The following ORC6 variants were observed in gnomAD, a reference collection of about 807,000 sequenced individuals.
The protein encoded by ORC6 is origin recognition complex, subunit 6 homolog-like (yeast).
A neutral mutation model predicts 30.0 loss-of-function variants in ORC6; 31 were observed. The ratio of observed to expected loss-of-function variants is 1.03; its 90% confidence interval spans 0.78 to 1.40. ORC6 has a LOEUF of 1.40. ORC6 is among the 40% of genes most tolerant of loss of function. ORC6 has a pLI of 0.00. For missense variants in ORC6, 340 were observed against 304.3 expected (o/e 1.12, Z -0.87); for synonymous variants, 136 against 111.2 (o/e 1.22, Z -1.40).
rs780609888 is a variant in ORC6 at position 46,692,331 on chromosome 16, A to G, written c.196-51A>G. The G allele has an allele frequency of 1.7e-5, 25 of 1,454,102 alleles. No individual in the cohort carries two copies. In the South Asian group the frequency reaches 2.6e-4, roughly 15 times the overall value. The allele number at this position is 1,454,102 out of a possible 1,614,324, so 90.1% of individuals were successfully genotyped here. On this transcript the variant is annotated intron_variant, in intron 2 of 6. Coordinates refer to ENST00000219097, the MANE Select transcript of ORC6 (RefSeq NM_014321.4). The stretch of plus-strand genomic sequence containing the variant: ...TAAACAAGTGTTTAAGGGTACTAAT[A>G]TATAGAACTTAAGGTTTTTATGATT...
chr16:46,696,104 G>T lies in ORC6; in HGVS notation c.631+19G>T, dbSNP rs372746047. 4 of 1,574,114 alleles carry T rather than the reference G, an allele frequency of 2.5e-6. No homozygotes were observed. The highest frequency in any genetic ancestry group is 1.3e-5 in the African/African-American group (1 of 74,306). On this transcript the variant is annotated intron_variant, in intron 6 of 6. Coordinates refer to ENST00000219097, the MANE Select transcript of ORC6 (RefSeq NM_014321.4). ...GCAAAGGGTAAGTTTTACTAACACG[G>T]TACTGACGTTGACATTTTATGCAGT...
chr16:46,693,530 G>T (rs1390837909), intron 4 of ORC6: 4 of 340,872 alleles, frequency 1.2e-5, no homozygotes, highest in Non-Finnish European at 2.2e-5. Flanking sequence ...GGCCAGGCGT[G>T]GTGGCTCCCG....
chr16:46,696,034 G>A lies in ORC6; in HGVS notation c.580G>A (p.Ala194Thr). Reference sequence around the variant, plus strand: ...TCTTAAAGGAGAACCTGGAGATGTAGCTACTCCACCACGGAAGAGAAAGAA... The same window carrying A: ...TCTTAAAGGAGAACCTGGAGATGTAACTACTCCACCACGGAAGAGAAAGAA... ...QQVDREPGDVATPPRKRKKIV... is the reference protein window; with the variant it reads ...QQVDREPGDVTTPPRKRKKIV... Residue 194 changes from alanine to threonine, a missense_variant, in exon 6 of 7, where the codon GCT becomes ACT. Physicochemically the swap from Ala to Thr is moderately conservative, Grantham distance 58. Coordinates refer to ENST00000219097, the MANE Select transcript of ORC6 (RefSeq NM_014321.4). 6.2e-7 allele frequency: 1 copy of A among 1,613,130 alleles called. No individual in the cohort carries two copies. Among genetic ancestry groups the A allele is most frequent in the Non-Finnish European group, 8.5e-7 (1 of 1,179,038 alleles).
Position 46,697,600 on chromosome 16 carries a change from C to T in ORC6, c.*15C>T. The T allele has an allele frequency of 2.5e-6, 4 of 1,613,478 alleles. No individual in the cohort carries two copies. Among genetic ancestry groups the T allele is most frequent in the South Asian group, 1.1e-5 (1 of 91,076 alleles). On this transcript the variant is annotated 3_prime_UTR_variant, in exon 7 of 7. Transcript: ENST00000219097. The stretch of plus-strand genomic sequence containing the variant: ...CAGCAGAGTGATTTCAGCTTCCAAA[C>T]TGGTATACATTCCAAACTGATAGTA...
intron 1 of ORC6, 150 bp from the exon 2 acceptor site, chr16:46,690,839 ACC>A: frequency 1.3e-6 from 1 of 757,666 alleles, no homozygotes; most frequent in Non-Finnish European, 2.3e-6. Context: ...TCTTCCTCTC[ACC>A]AGAGGATATG....
rs1437758146 is a variant in ORC6 at position 46,691,035 on chromosome 16, GC to G, written c.112del (p.Leu38SerfsTer22). On this transcript the variant is annotated frameshift_variant, in exon 2 of 7. Coordinates refer to ENST00000219097, the MANE Select transcript of ORC6 (RefSeq NM_014321.4). LOFTEE classifies it high-confidence loss of function. ...CGCCTGTCCCGGGTGAAGTGTGTCG[GC>G]CTCTCCGCACGCACCACGGAGACCA... The part of the protein sequence containing the change: ...YLRLSRVKCV[G>X]LSARTTETSS... 9 of 1,614,148 alleles carry G rather than the reference GC, an allele frequency of 5.6e-6. No individual in the cohort carries two copies. Among genetic ancestry groups the G allele is most frequent in the Non-Finnish European group, 7.6e-6 (9 of 1,179,968 alleles).
chr16:46,698,208 G>C lies in ORC6; in HGVS notation c.*623G>C. 1 of 454,608 alleles carries C rather than the reference G, an allele frequency of 2.2e-6. No individual in the cohort carries two copies. Among genetic ancestry groups the C allele is most frequent in the Non-Finnish European group, 4.4e-6 (1 of 226,536 alleles). 28.2% of individuals were successfully genotyped at this position (454,608 alleles called of 1,614,324 possible). On this transcript the variant is annotated 3_prime_UTR_variant, in exon 7 of 7. Transcript: ENST00000219097. Reference sequence around the variant, plus strand: ...GGATAGATAGATAGATAGATAGATAGATAGATAAACGGAATTGGAGCCATT... The same window carrying C: ...GGATAGATAGATAGATAGATAGATACATAGATAAACGGAATTGGAGCCATT...
chr16:46,697,316 C>G, intron 6 of ORC6, 142 bp from the exon 7 acceptor site: 1 of 742,806 alleles, frequency 1.3e-6, no homozygotes, highest in South Asian at 1.8e-5. Flanking sequence ...AAGACCCCAT[C>G]TCAAAAAAAA....
At chr16:46,691,956 A>ACTCTCTCTCTCT (rs779757463) in intron 2 of ORC6, among the ~76,000 whole-genome samples, 1 of 4,848 alleles carries the variant, frequency 2.1e-4, no homozygotes, top group African/African-American at 4.2e-4. Flanking sequence ...ACACACACAC[A>ACTCTCTCTCTCT]CACTCTCTCT....
chr16:46,698,183 G>GATA lies in ORC6; in HGVS notation c.*598_*599insATA. 1 of 430,176 alleles carries GATA rather than the reference G, an allele frequency of 2.3e-6. No homozygotes were observed. The highest frequency in any genetic ancestry group is 4.7e-6 in the Non-Finnish European group (1 of 214,494). The allele number at this position is 430,176 out of a possible 1,614,324, so 26.6% of individuals were successfully genotyped here. On this transcript the variant is annotated 3_prime_UTR_variant, in exon 7 of 7. Transcript: ENST00000219097. ...CTTATAGATAGATAGATAGATAGATGGATAGATAGATAGATAGATAGATAG... is the reference window on the plus strand; with the variant it reads ...CTTATAGATAGATAGATAGATAGATGATAGATAGATAGATAGATAGATAGATAG...
chr16:46,692,950 A>T (rs1966464650), intron 3 of ORC6, 143 bp from the exon 4 acceptor site: 2 of 706,298 alleles, frequency 2.8e-6, no homozygotes, highest in East Asian at 5.3e-5. Context: ...GTTCTGGTTA[A>T]TTTTCAGTCT....
Position 46,698,212 on chromosome 16 carries a change from G to A in ORC6, c.*627G>A, listed in dbSNP as rs183331495. On this transcript the variant is annotated 3_prime_UTR_variant, in exon 7 of 7. Coordinates refer to ENST00000219097, the MANE Select transcript of ORC6 (RefSeq NM_014321.4). The stretch of plus-strand genomic sequence containing the variant: ...AGATAGATAGATAGATAGATAGATA[G>A]ATAAACGGAATTGGAGCCATTTTGC... 2 of 454,434 alleles carry A rather than the reference G, an allele frequency of 4.4e-6. No homozygotes were observed. The highest frequency in any genetic ancestry group is 4.0e-5 in the African/African-American group (2 of 50,028). The allele number at this position is 454,434 out of a possible 1,614,324, so 28.2% of individuals were successfully genotyped here.
Position 46,693,078 on chromosome 16 carries a change from T to C in ORC6, c.360-15T>C. The C allele has an allele frequency of 6.5e-7, 1 of 1,529,522 alleles. No individual in the cohort carries two copies. The highest frequency in any genetic ancestry group is 9.1e-7 in the Non-Finnish European group (1 of 1,102,994). The allele number at this position is 1,529,522 out of a possible 1,614,324, so 94.7% of individuals were successfully genotyped here. ...TATTTTCTAACAGATAATTCTGCAA[T>C]AACTTCTCCTTTAGCTATGAGTCCA... On this transcript the variant is annotated splice_polypyrimidine_tract_variant and intron_variant, in intron 3 of 6. Coordinates refer to ENST00000219097, the MANE Select transcript of ORC6 (RefSeq NM_014321.4).
At chr16:46,694,675 C>A (rs36316) in intron 4 of ORC6, among the ~76,000 whole-genome samples, 137,379 of 139,936 alleles carry the variant, frequency 0.98, 67,464 homozygotes, top group East Asian at 1. Flanking sequence ...AAAAAAAAAA[C>A]AAAACACTGG....
chr16:46,691,131 C>A lies in ORC6; in HGVS notation c.195+11C>A. On this transcript the variant is annotated intron_variant, in intron 2 of 6. Transcript: ENST00000219097. Reference sequence around the variant, plus strand: ...TGCCCCTTGGACAGGGTAAGTAGGTCCCACCGAATGTCTGAATAATCCAGT... The same window carrying A: ...TGCCCCTTGGACAGGGTAAGTAGGTACCACCGAATGTCTGAATAATCCAGT... 1 of 1,613,576 alleles carries A rather than the reference C, an allele frequency of 6.2e-7. No individual in the cohort carries two copies. The highest frequency in any genetic ancestry group is 8.5e-7 in the Non-Finnish European group (1 of 1,179,522).
chr16:46,691,958 A>ACACACACACTCTCT lies in ORC6; in HGVS notation c.196-423_196-422insACACACACTCTCTC. On this transcript the variant is annotated intron_variant, in intron 2 of 6. Transcript: ENST00000219097. Reference sequence around the variant, plus strand: ...CACACACACACACACACACACACACACTCTCTCTCTCTCTCTCTCTCTCAC... The same window carrying ACACACACACTCTCT: ...CACACACACACACACACACACACACACACACACACTCTCTCTCTCTCTCTCTCTCTCTCTCTCAC... Among the ~76,000 whole-genome samples the ACACACACACTCTCT allele has an allele frequency of 6.2e-3, 228 of 36,656 alleles. 4 individuals are homozygous for ACACACACACTCTCT. Among genetic ancestry groups the ACACACACACTCTCT allele is most frequent in the African/African-American group, 0.017 (180 of 10,436 alleles). The allele number at this position is 36,656 out of a possible 152,430, so 24.0% of individuals were successfully genotyped here. A position where few individuals can be genotyped will look rare whatever the true frequency, so the allele number is the denominator to read the frequency against.
intron 2 of ORC6, among the ~76,000 whole-genome samples, chr16:46,692,022 T>C (rs1329199461): frequency 1.4e-5 from 2 of 144,076 alleles, no homozygotes; most frequent in Admixed American, 7.1e-5. Flanking sequence ...CTTCTCTCCT[T>C]CCTTTTCCCA....
chr16:46,697,538 A>T lies in ORC6; in HGVS notation c.712A>T (p.Lys238Ter). ...ACAGGATTATGAAGAATGGAAAAGA[A>T]AAATTTTGGAAAATGCTGCCAGTGC... ...LTQDYEEWKR[K>*]ILENAASAQK... Residue 238 changes from lysine (K) to a stop codon, truncating the protein, a stop_gained, in exon 7 of 7, where the codon AAA becomes TAA. Transcript: ENST00000219097. LOFTEE classifies it high-confidence loss of function. The T allele has an allele frequency of 6.2e-7, 1 of 1,614,148 alleles. No homozygotes were observed. Among genetic ancestry groups the T allele is most frequent in the East Asian group, 2.2e-5 (1 of 44,886 alleles).
intron 1 of ORC6, 66 bp downstream of exon 1, chr16:46,689,836 C>A: frequency 6.7e-7 from 1 of 1,491,932 alleles, no homozygotes; most frequent in Non-Finnish European, 8.9e-7. Context: ...TCAGGTGAGG[C>A]CCGCGCCCTT....
Sources: allele counts gnomAD v4.1 joint callset (sites outside exome capture counted in the v4.1 genomes callset), GRCh38; gene constraint gnomAD v4.1.1; transcripts MANE v1.5; gene names NCBI Gene and HGNC (gene_info 2026-07-23, HGNC 2026-07-21).